Variants in FSD1L observed in about 807,000 individuals in gnomAD.
The protein encoded by FSD1L is fibronectin type III and SPRY domain containing 1 like, also known as FSD1-like protein.
In FSD1L, 45 loss-of-function variants were observed where a neutral mutation model predicts 71.6. That is an observed-to-expected ratio of 0.63 (90% CI 0.49 to 0.81). The LOEUF is 0.81. FSD1L is among the 30% of genes least tolerant of loss of function. The probability of loss-of-function intolerance (pLI) is 0.00; values close to 1 mark genes in which losing one functional copy is unlikely to be tolerated. For missense variants in FSD1L, 561 were observed against 618.1 expected (o/e 0.91, Z 0.98); for synonymous variants, 197 against 207.2 (o/e 0.95, Z 0.42).
chr9:105,513,581 C>G, intron 10 of FSD1L: 1 of 1,525,280 alleles, frequency 6.6e-7, no homozygotes, highest in Non-Finnish European at 8.8e-7. Context: ...TTAACAGTTG[C>G]CTGTTTTTAT....
chr9:105,470,947 C>T (rs1008343765), intron 4 of FSD1L, among the ~76,000 whole-genome samples: 2 of 152,168 alleles, frequency 1.3e-5, no homozygotes, highest in African/African-American at 4.8e-5. Flanking sequence ...CTGTTTTGGA[C>T]CCAGACCCTT....
chr9:105,442,394 C>T, the FSD1L span, among the ~76,000 whole-genome samples: 2 of 152,028 alleles, frequency 1.3e-5, no homozygotes, highest in Admixed American at 1.3e-4. Flanking sequence ...TAAAAGTTAT[C>T]TCTGCTAGGC....
intron 10 of FSD1L, among the ~76,000 whole-genome samples, chr9:105,513,340 A>C (rs74962883): frequency 5.9e-5 from 9 of 152,304 alleles, no homozygotes; most frequent in Non-Finnish European, 1.2e-4. Flanking sequence ...CTGATCAGCA[A>C]CACAATGAAC....
In FSD1L at chr9:105,474,576, A is replaced by G. The variant is rs192495538; in HGVS notation, c.441+2571A>G. On this transcript the variant is annotated intron_variant, in intron 5 of 13. Transcript: ENST00000481272. ...CTACTTGCTGACTGAATAGGGAGAG[A>G]TGACTTTGGAGATTATTACTAGTCT... is the stretch of plus-strand genomic sequence containing the variant. 3.0e-3 allele frequency among the ~76,000 whole-genome samples: 456 copies of G among 152,322 alleles called. 1 individual carries two copies. The highest frequency in any genetic ancestry group is 0.011 in the African/African-American group (440 of 41,574).
chr9:105,489,484 C>T (rs1403153462), intron 7 of FSD1L, among the ~76,000 whole-genome samples: 1 of 151,920 alleles, frequency 6.6e-6, no homozygotes, highest in Non-Finnish European at 1.5e-5. Context: ...CTGCTGAATT[C>T]TTTGCAGTTT....
At chr9:105,447,670 CT>C, upstream of FSD1L, 1 of 164,240 alleles carries the variant, frequency 6.1e-6, no homozygotes, top group Non-Finnish European at 1.3e-5. Context: ...CACCCCAGCC[CT>C]TTTCCTCCCT....
Position 105,547,163 on chromosome 9 carries a change from G to A in FSD1L, c.*680G>A, listed in dbSNP as rs1041582574. The A allele has an allele frequency of 1.3e-5, 2 of 152,300 alleles. No homozygotes were observed. The highest frequency in any genetic ancestry group is 6.6e-5 in the Admixed American group (1 of 15,234). The allele number at this position is 152,300 out of a possible 1,614,324, so 9.4% of individuals were successfully genotyped here. A position where few individuals can be genotyped will look rare whatever the true frequency, so the allele number is the denominator to read the frequency against. ...CTACTGCACTAACAATGGCAAGGGG[G>A]GTATTCTTTATATGTTGCCTTGTTT... On this transcript the variant is annotated 3_prime_UTR_variant, in exon 14 of 14. Transcript: ENST00000481272.
intron 5 of FSD1L, among the ~76,000 whole-genome samples, chr9:105,474,198 G>T (rs1831651315): frequency 6.6e-6 from 1 of 152,170 alleles, no homozygotes; most frequent in South Asian, 2.1e-4. Flanking sequence ...CTGCAAACCT[G>T]TGTAGCATGT....
At chr9:105,495,587 CT>C (rs1368190539) in intron 7 of FSD1L, among the ~76,000 whole-genome samples, 1 of 152,242 alleles carries the variant, frequency 6.6e-6, no homozygotes, top group African/African-American at 2.4e-5. Flanking sequence ...CACCTGTCTT[CT>C]GCGTAGCTCA....
At chr9:105,499,746 C>T (rs935935455) in intron 7 of FSD1L, among the ~76,000 whole-genome samples, 2 of 151,004 alleles carry the variant, frequency 1.3e-5, no homozygotes, top group South Asian at 2.1e-4. Context: ...GGGATTTTCT[C>T]AGTCATTATT....
intron 10 of FSD1L, among the ~76,000 whole-genome samples, chr9:105,514,137 T>A (rs1313473891): frequency 6.6e-6 from 1 of 152,218 alleles, no homozygotes; most frequent in Non-Finnish European, 1.5e-5. Flanking sequence ...TGAGTAATAA[T>A]GTGCTTATTT....
upstream of FSD1L, among the ~76,000 whole-genome samples, chr9:105,445,106 G>A (rs570000737): frequency 3.3e-5 from 5 of 152,260 alleles, no homozygotes; most frequent in Non-Finnish European, 5.9e-5. Context: ...ATAGGCCAGA[G>A]GTACTGGGAG....
intron 4 of FSD1L, among the ~76,000 whole-genome samples, chr9:105,470,795 G>A (rs571663491): frequency 1.1e-4 from 16 of 152,092 alleles, no homozygotes; most frequent in East Asian, 9.6e-4. Flanking sequence ...AGGATAATTC[G>A]TTTATTCATA....
rs1329625035 is a variant in FSD1L at position 105,550,022 on chromosome 9, A to C, written c.*3539A>C. 6.6e-6 allele frequency: 1 copy of C among 152,060 alleles called. No homozygotes were observed. Among genetic ancestry groups the C allele is most frequent in the Non-Finnish European group, 1.5e-5 (1 of 67,914 alleles). 9.4% of individuals were successfully genotyped at this position (152,060 alleles called of 1,614,324 possible). A position where few individuals can be genotyped will look rare whatever the true frequency, so the allele number is the denominator to read the frequency against. On this transcript the variant is annotated 3_prime_UTR_variant, in exon 14 of 14. Coordinates refer to ENST00000481272, the MANE Select transcript of FSD1L (RefSeq NM_001145313.3). ...TTTTTTAAAAACGTAATTTGTTTTT[A>C]AAAGATGAGTCTCCATTCATTGGCT...
At chr9:105,540,562 C>T (rs1836546731) in intron 13 of FSD1L, among the ~76,000 whole-genome samples, 1 of 152,036 alleles carries the variant, frequency 6.6e-6, no homozygotes, top group East Asian at 1.9e-4. Context: ...ATTTACAATG[C>T]AAGTACAATG....
rs113911243 is a variant in FSD1L, at chr9:105,453,870, A to AT, written c.15+5639dup. Reference sequence around the variant, plus strand: ...GTGGAAAATATTTTAAAGTTGGTGGATTTTATCTCCAGACTTTTAAAAATA... The same window carrying AT: ...GTGGAAAATATTTTAAAGTTGGTGGATTTTTATCTCCAGACTTTTAAAAATA... On this transcript the variant is annotated intron_variant, in intron 1 of 13. Coordinates refer to ENST00000481272, the MANE Select transcript of FSD1L (RefSeq NM_001145313.3). 6.3e-3 allele frequency among the ~76,000 whole-genome samples: 960 copies of AT among 152,250 alleles called. 15 individuals carry two copies. Among genetic ancestry groups the AT allele is most frequent in the African/African-American group, 0.022 (911 of 41,544 alleles).
At chr9:105,535,496 G>A (rs1392773336) in intron 12 of FSD1L, among the ~76,000 whole-genome samples, 178 bp downstream of exon 12, 1 of 152,224 alleles carries the variant, frequency 6.6e-6, no homozygotes, top group Non-Finnish European at 1.5e-5. Context: ...TATATGTGAT[G>A]TCTGCCTGGA....
At position 105,522,545 on chromosome 9, in the gene FSD1L, C is replaced by T. The variant is rs3802434; in HGVS notation, c.1025+9609C>T. 6.4e-4 allele frequency: 1,036 copies of T among 1,613,592 alleles called. 7 individuals are homozygous for T. In the East Asian group the frequency reaches 0.022, roughly 34 times the overall value. On this transcript the variant is annotated intron_variant, in intron 10 of 13. Transcript: ENST00000481272. Reference sequence around the variant, plus strand: ...ATATTGATGATGCTCAAATACTTCCCCGCTCAACTAGAGTCAGACATTTTT... The same window carrying T: ...ATATTGATGATGCTCAAATACTTCCTCGCTCAACTAGAGTCAGACATTTTT...
At chr9:105,472,171 C>A in intron 5 of FSD1L, 166 bp downstream of exon 5, 1 of 802,746 alleles carries the variant, frequency 1.2e-6, no homozygotes, top group Non-Finnish European at 1.8e-6. Context: ...CCAAAGCAAA[C>A]ACTTAGAAGT....
Sources: allele counts gnomAD v4.1 joint callset (sites outside exome capture counted in the v4.1 genomes callset), GRCh38; gene constraint gnomAD v4.1.1; transcripts MANE v1.5; gene names NCBI Gene and HGNC (gene_info 2026-07-23, HGNC 2026-07-21).